B4GALNT3: variants seen among roughly 807,000 people sequenced by gnomAD.
B4GALNT3 encodes the protein beta-1,4-N-acetylgalactosaminyltransferase 3.
In B4GALNT3, 86 loss-of-function variants were observed where a neutral mutation model predicts 120.2. That is an observed-to-expected ratio of 0.72 (90% confidence interval 0.60 to 0.86). The LOEUF is 0.86. Ranked by LOEUF, B4GALNT3 falls within the 40% of genes least tolerant of loss-of-function variation. The pLI, the probability that B4GALNT3 is intolerant of heterozygous loss-of-function variation, is 0.00. For missense variants in B4GALNT3, 1,167 were observed against 1,298.9 expected, an observed-to-expected ratio of 0.90 and a Z score of 1.56; for synonymous variants, 518 against 510.4, an observed-to-expected ratio of 1.01 and a Z score of -0.20.
chr12:484,194 C>G (rs1158454856), intron 1 of B4GALNT3, among the ~76,000 whole-genome samples: 1 of 152,212 alleles, frequency 6.6e-6, no homozygotes, highest in Non-Finnish European at 1.5e-5. Flanking sequence ...GACTGCCTCC[C>G]TGCTCTTAGC....
chr12:545,673 TGTGGG>T (rs1946986991), intron 6 of B4GALNT3, among the ~76,000 whole-genome samples: 2 of 80,324 alleles, frequency 2.5e-5, no homozygotes, highest in Non-Finnish European at 2.6e-5. Flanking sequence ...AGGAGCGAGG[TGTGGG>T]GAGGAGCGAG....
intron 1 of B4GALNT3, among the ~76,000 whole-genome samples, chr12:467,857 A>G (rs7137297): frequency 0.45 from 68,128 of 152,054 alleles, 16,545 homozygotes; most frequent in East Asian, 0.62. Context: ...TCTTAGAAAC[A>G]GCTGTGCTTC....
In B4GALNT3 at chr12:512,243, C is replaced by T. The variant is rs575986954; in HGVS notation, c.170-22923C>T. Among the ~76,000 whole-genome samples, 277 of 62,370 alleles carry T rather than the reference C, an allele frequency of 4.4e-3. 11 individuals are homozygous for T. The highest frequency in any genetic ancestry group is 0.023 in the African/African-American group (254 of 10,872). 40.9% of individuals were successfully genotyped at this position (62,370 alleles called of 152,430 possible). The stretch of plus-strand genomic sequence containing the variant: ...TCCACCTTCTTCCACCTTCCACCTT[C>T]CACCTTCTTCCACCTTCTTCCACCT... On this transcript the variant is annotated intron_variant, in intron 1 of 19. Transcript: ENST00000266383.
At chr12:480,453 G>C (rs1164223321) in intron 1 of B4GALNT3, among the ~76,000 whole-genome samples, 1 of 4,912 alleles carries the variant, frequency 2.0e-4, no homozygotes, top group Non-Finnish European at 8.5e-4. Flanking sequence ...AGGTCCCTCT[G>C]ACCCTGACAT....
At chr12:505,865 TA>T in intron 1 of B4GALNT3, among the ~76,000 whole-genome samples, 1 of 152,326 alleles carries the variant, frequency 6.6e-6, no homozygotes, top group South Asian at 2.1e-4. Flanking sequence ...CCAAGGATTT[TA>T]AACCCTCTCC....
chr12:498,902 T>C (rs373354891), intron 1 of B4GALNT3, among the ~76,000 whole-genome samples: 107 of 152,254 alleles, frequency 7.0e-4, no homozygotes, highest in African/African-American at 2.5e-3. Flanking sequence ...ACAGTTTCCA[T>C]TGCCCTACCC....
chr12:546,514 C>T (rs1179299721), intron 6 of B4GALNT3, 132 bp from the exon 7 acceptor site: 2 of 820,606 alleles, frequency 2.4e-6, no homozygotes, highest in African/African-American at 1.7e-5. Flanking sequence ...CTACCTCTCT[C>T]ACCTTCATTC....
At chr12:484,215 T>C (rs1414828914) in intron 1 of B4GALNT3, among the ~76,000 whole-genome samples, 7 of 152,186 alleles carry the variant, frequency 4.6e-5, no homozygotes, top group Admixed American at 4.6e-4. Flanking sequence ...ATCCTCCAGT[T>C]ACACATCTCT....
At chr12:531,325 TGCTGGC>T (rs1256404788) in intron 1 of B4GALNT3, among the ~76,000 whole-genome samples, 6 of 152,054 alleles carry the variant, frequency 3.9e-5, no homozygotes, top group African/African-American at 1.4e-4. Flanking sequence ...GCTGGCCCAC[TGCTGGC>T]CCACTGCTTA....
intron 1 of B4GALNT3, among the ~76,000 whole-genome samples, chr12:508,939 C>T (rs547074631): frequency 3.9e-5 from 6 of 152,340 alleles, no homozygotes; most frequent in South Asian, 4.1e-4. Flanking sequence ...GGCAGGACAG[C>T]GTGTGACTCA....
At chr12:530,660 C>G (rs1946797693) in intron 1 of B4GALNT3, among the ~76,000 whole-genome samples, 1 of 152,150 alleles carries the variant, frequency 6.6e-6, no homozygotes, top group Non-Finnish European at 1.5e-5. Flanking sequence ...GTTTCTGTTT[C>G]TTCATCTCTA....
chr12:495,126 T>C (rs1946376527), intron 1 of B4GALNT3, among the ~76,000 whole-genome samples: 1 of 152,192 alleles, frequency 6.6e-6, no homozygotes. Flanking sequence ...AGCTTCCTTC[T>C]CTTTTACAGA....
chr12:469,480 A>C (rs1946114168), intron 1 of B4GALNT3, among the ~76,000 whole-genome samples: 1 of 152,180 alleles, frequency 6.6e-6, no homozygotes, highest in Non-Finnish European at 1.5e-5. Flanking sequence ...TCAGCCCATG[A>C]CACAGCTGTG....
intron 1 of B4GALNT3, among the ~76,000 whole-genome samples, chr12:504,396 A>G (rs1332375188): frequency 1.9e-4 from 28 of 150,578 alleles, no homozygotes. Context: ...TCTCACCTCT[A>G]TACAATCATG....
intron 1 of B4GALNT3, among the ~76,000 whole-genome samples, chr12:506,871 C>T (rs911537831): frequency 6.6e-6 from 1 of 152,164 alleles, no homozygotes; most frequent in African/African-American, 2.4e-5. Context: ...CTCCTGACCT[C>T]GTGATCCGCC....
At chr12:536,189 A>G (rs1233672773) in intron 2 of B4GALNT3, 29 bp from the exon 3 acceptor site, 2 of 1,587,762 alleles carry the variant, frequency 1.3e-6, no homozygotes, top group Admixed American at 1.7e-5. Flanking sequence ...TAATATTCCT[A>G]CCAACTTCGT....
At chr12:482,263 C>T (rs1385276174) in intron 1 of B4GALNT3, among the ~76,000 whole-genome samples, 1 of 152,194 alleles carries the variant, frequency 6.6e-6, no homozygotes, top group East Asian at 1.9e-4. Flanking sequence ...CACAGCACAC[C>T]AGTGGGGAAG....
At position 548,114 on chromosome 12, in the gene B4GALNT3, G is replaced by T; in HGVS notation, c.786+12G>T. On this transcript the variant is annotated intron_variant, in intron 8 of 19. Transcript: ENST00000266383. The surrounding 1 kb of genome is among the most constrained non-coding windows in gnomAD (Gnocchi z 4.9). ...ACGTGGAAGTTGCAGTGAGTTTCCT[G>T]CTGCTCCCGCCTCTCCCAGCTCAGT... The T allele has an allele frequency of 6.2e-7, 1 of 1,611,742 alleles. No homozygotes were observed. The highest frequency in any genetic ancestry group is 8.5e-7 in the Non-Finnish European group (1 of 1,178,790).
chr12:557,012 G>A (rs1947164244), intron 15 of B4GALNT3, 146 bp downstream of exon 15: 2 of 883,918 alleles, frequency 2.3e-6, no homozygotes, highest in Non-Finnish European at 1.7e-6. Context: ...CTCACAAAAG[G>A]AAAGTCACTG....
Sources: gnomAD v4.1 joint callset for allele counts (sites outside exome capture counted in the v4.1 genomes callset) on GRCh38, gnomAD v4.1.1 for gene constraint, Gnocchi (gnomAD v3.1) non-coding constraint, MANE v1.5 for transcripts, NCBI Gene and HGNC (gene_info 2026-07-23, HGNC 2026-07-21) for gene names.